The following PLEKHA5 variants were observed in gnomAD, a reference collection of about 807,000 sequenced individuals.
PLEKHA5 encodes pleckstrin homology domain-containing family A member 5.
In PLEKHA5, 55 loss-of-function variants were observed where a neutral mutation model predicts 181.9. That is an observed-to-expected ratio of 0.30 (90% CI 0.24 to 0.38). The LOEUF is 0.38. Ranked by LOEUF, PLEKHA5 falls within the 10% of genes least tolerant of loss-of-function variation. The probability of loss-of-function intolerance (pLI) is 1.00; values close to 1 mark genes in which losing one functional copy is unlikely to be tolerated. For missense variants in PLEKHA5, 1,432 were observed against 1,549.5 expected (o/e 0.92, Z 1.27); for synonymous variants, 535 against 529.4 (o/e 1.01, Z -0.15).
chr12:19,322,311 C>T lies in PLEKHA5; in HGVS notation c.2219C>T (p.Ala740Val). 6.2e-7 allele frequency: 1 copy of T among 1,610,020 alleles called. No homozygotes were observed. ...AAGACATCTTCTCTTATAACCTAGG[C>T]CAAGTTAAGCCGATTATGTGAACAA... ...KYRPEEVDID[A>V]KLSRLCEQDK... The change falls in exon 19 of 32, where the codon GCC (alanine) becomes GTC (valine). Residue 740 changes from alanine to valine, a missense_variant and splice_region_variant. This residue lies in a region of PLEKHA5 where 1,143 missense variants were observed against 1,168.4 expected (regional missense o/e 0.98). Transcript: ENST00000429027.
chr12:19,276,012 G>A (rs80089630), intron 11 of PLEKHA5, among the ~76,000 whole-genome samples: 1,821 of 152,226 alleles, frequency 0.012, 23 homozygotes, highest in Middle Eastern at 0.027. Context: ...AACACATTTC[G>A]GGACAACAGC....
intron 3 of PLEKHA5, among the ~76,000 whole-genome samples, chr12:19,230,290 C>T (rs953821747): frequency 9.2e-5 from 14 of 152,244 alleles, no homozygotes; most frequent in Admixed American, 6.5e-4. Context: ...AGGAGCCCAG[C>T]TGGCTTCACC....
intron 3 of PLEKHA5, among the ~76,000 whole-genome samples, chr12:19,147,552 G>T (rs969009093): frequency 6.6e-6 from 1 of 151,712 alleles, no homozygotes; most frequent in Non-Finnish European, 1.5e-5. Context: ...TTTGAATGAA[G>T]GTGTTGCTGC....
intron 12 of PLEKHA5, among the ~76,000 whole-genome samples, chr12:19,285,537 G>T (rs528518644): frequency 9.1e-4 from 139 of 152,316 alleles, no homozygotes; most frequent in Middle Eastern, 6.8e-3. Flanking sequence ...GTTTCAGGGA[G>T]TCAAAACTAT....
intron 10 of PLEKHA5, among the ~76,000 whole-genome samples, chr12:19,270,518 C>A (rs1482381508): frequency 2.6e-5 from 4 of 151,954 alleles, no homozygotes; most frequent in Non-Finnish European, 4.4e-5. Context: ...ATTGAAACTC[C>A]ACTACTCAGA....
rs559489142 is a variant in PLEKHA5, at chr12:19,337,861, A to G, written c.2550+1245A>G. Among the ~76,000 whole-genome samples the G allele has an allele frequency of 3.3e-5, 5 of 151,834 alleles. No homozygotes were observed. The East Asian group carries it at 9.9e-4, about 30-fold the overall frequency. ...AGCCTGGCCAAGATTGTGAAAGCCC[A>G]TCTCTACTAAAAATACAAAATTAGC... On this transcript the variant is annotated intron_variant, in intron 21 of 31. Coordinates refer to ENST00000429027, the MANE Select transcript of PLEKHA5 (RefSeq NM_001256470.2).
chr12:19,154,434 G>A (rs2041203009), intron 3 of PLEKHA5: 1 of 151,960 alleles, frequency 6.6e-6, no homozygotes. Context: ...TTAAAATTGT[G>A]TACAACCAAG....
chr12:19,172,781 C>T (rs926907004), intron 3 of PLEKHA5, among the ~76,000 whole-genome samples: 4 of 151,988 alleles, frequency 2.6e-5, no homozygotes, highest in Non-Finnish European at 5.9e-5. Context: ...AAATTGGCTA[C>T]AGTCACATGG....
chr12:19,255,110 C>T lies in PLEKHA5; in HGVS notation c.377C>T (p.Ser126Phe). 6.2e-7 allele frequency: 1 copy of T among 1,610,300 alleles called. No individual in the cohort carries two copies. The highest frequency in any genetic ancestry group is 8.5e-7 in the Non-Finnish European group (1 of 1,177,124). Residue 126 changes from serine to phenylalanine, a missense_variant, in exon 5 of 32, where the codon TCT becomes TTT. Around this residue, in one of 2 missense-constraint regions of PLEKHA5, gnomAD observed 289 missense variants for 381.1 expected, o/e 0.76. Coordinates refer to ENST00000429027, the MANE Select transcript of PLEKHA5 (RefSeq NM_001256470.2). ...CCAATAAGTATGATAAATGAAGCTT[C>T]TAACTATAACGTGACTTCAGATTAT... ...ERPISMINEA[S>F]NYNVTSDYAV...
chr12:19,228,970 T>A (rs2152357838), intron 3 of PLEKHA5, among the ~76,000 whole-genome samples: 1 of 152,250 alleles, frequency 6.6e-6, no homozygotes, highest in East Asian at 1.9e-4. Context: ...TAAGGATAAG[T>A]GGTTTCATTT....
chr12:19,331,523 A>G (rs1403694300), intron 20 of PLEKHA5, among the ~76,000 whole-genome samples: 22 of 152,160 alleles, frequency 1.4e-4, no homozygotes, highest in Admixed American at 1.4e-3. Flanking sequence ...TTTCTTAATA[A>G]AGGACATAGT....
intron 3 of PLEKHA5, among the ~76,000 whole-genome samples, chr12:19,180,794 GT>G (rs5796792): frequency 0.76 from 110,974 of 145,248 alleles, 43,761 homozygotes; most frequent in Non-Finnish European, 0.89. Flanking sequence ...AAAATATAGT[GT>G]TTTTTTTTTT....
At position 19,130,793 on chromosome 12, in the gene PLEKHA5, C is replaced by G. The variant is rs931910425; in HGVS notation, c.169+663C>G. ...TCCCTCCTGCCACGGGAGGAGCAGC[C>G]GGAGCCGGAGGAGGCGTTCGCAGCC... On this transcript the variant is annotated intron_variant, in intron 2 of 31. Transcript: ENST00000429027. The surrounding 1 kb of genome is among the most constrained non-coding windows in gnomAD (Gnocchi z 4.5). The G allele has an allele frequency of 6.6e-6, 1 of 152,208 alleles. No individual in the cohort carries two copies. Among genetic ancestry groups the G allele is most frequent in the African/African-American group, 2.4e-5 (1 of 41,434 alleles). 9.4% of individuals were successfully genotyped at this position (152,208 alleles called of 1,614,324 possible).
At chr12:19,264,658 A>G (rs911907785) in intron 7 of PLEKHA5, among the ~76,000 whole-genome samples, 1 of 152,164 alleles carries the variant, frequency 6.6e-6, no homozygotes, top group African/African-American at 2.4e-5. Flanking sequence ...TTCCATTGCT[A>G]TGAGAAAAGC....
At chr12:19,168,381 A>G (rs372917592) in intron 3 of PLEKHA5, among the ~76,000 whole-genome samples, 143 of 152,336 alleles carry the variant, frequency 9.4e-4, no homozygotes, top group African/African-American at 3.3e-3. Flanking sequence ...CAGAGTTTGT[A>G]TAACCAAAGT....
intron 3 of PLEKHA5, among the ~76,000 whole-genome samples, chr12:19,212,899 C>G (rs369580300): frequency 2.1e-4 from 32 of 150,676 alleles, no homozygotes; most frequent in African/African-American, 7.8e-4. Context: ...GAATTTAAGC[C>G]CAGATCTATG....
At chr12:19,198,371 C>G (rs540268824) in intron 3 of PLEKHA5, among the ~76,000 whole-genome samples, 35 of 152,290 alleles carry the variant, frequency 2.3e-4, no homozygotes, top group African/African-American at 8.4e-4. Context: ...ACTGTCCACT[C>G]TCTCTATCCG....
At position 19,283,748 on chromosome 12, in the gene PLEKHA5, A is replaced by T; in HGVS notation, c.1779+3A>T. 1 of 1,583,160 alleles carries T rather than the reference A, an allele frequency of 6.3e-7. No homozygotes were observed. The highest frequency in any genetic ancestry group is 1.1e-5 in the South Asian group (1 of 90,370). ...GACACAGGGCCCATCACCCTAAGGT[A>T]AAATAGCTGCTGATTTTGTGTTAAC... On this transcript the variant is annotated splice_donor_region_variant and intron_variant, in intron 12 of 31. Coordinates refer to ENST00000429027, the MANE Select transcript of PLEKHA5 (RefSeq NM_001256470.2).
At chr12:19,230,737 C>T (rs1225175703) in intron 3 of PLEKHA5, among the ~76,000 whole-genome samples, 2 of 152,086 alleles carry the variant, frequency 1.3e-5, no homozygotes, top group Non-Finnish European at 2.9e-5. Context: ...GGCACCTCTC[C>T]CTCCACCCCT....
Sources: gnomAD v4.1 joint callset for allele counts (sites outside exome capture counted in the v4.1 genomes callset) on GRCh38, gnomAD v4.1.1 for gene constraint, gnomAD v4.1.1 regional missense constraint, Gnocchi (gnomAD v3.1) non-coding constraint, MANE v1.5 for transcripts, NCBI Gene and HGNC (gene_info 2026-07-23, HGNC 2026-07-21) for gene names.